ZNRF2: variants seen among roughly 807,000 people sequenced by gnomAD.
The protein encoded by ZNRF2 is zinc and ring finger 2.
In ZNRF2, 16 loss-of-function variants were observed where a neutral mutation model predicts 20.4. The ratio of observed to expected loss-of-function variants is 0.79; its 90% CI spans 0.53 to 1.19. ZNRF2 has a LOEUF of 1.19. Ranked by LOEUF, ZNRF2 falls within the 50% of genes most tolerant of loss-of-function variation. The pLI is 0.00. For missense variants in ZNRF2, 363 were observed against 332.4 expected (o/e 1.09, Z -0.72); for synonymous variants, 178 against 144.9 (o/e 1.23, Z -1.64).
intron 1 of ZNRF2, among the ~76,000 whole-genome samples, chr7:30,322,088 G>A (rs184048516): frequency 1.3e-4 from 19 of 151,814 alleles, no homozygotes; most frequent in Middle Eastern, 3.4e-3. Context: ...ATTAGGCCAT[G>A]CGTTGGACAA....
intron 3 of ZNRF2, among the ~76,000 whole-genome samples, chr7:30,357,982 A>G (rs550070524): frequency 9.5e-4 from 145 of 152,286 alleles, no homozygotes; most frequent in Non-Finnish European, 1.7e-3. Flanking sequence ...ATCTAACAAT[A>G]TATATCTAAA....
intron 1 of ZNRF2, among the ~76,000 whole-genome samples, chr7:30,303,271 A>G (rs1232782284): frequency 6.6e-6 from 1 of 151,968 alleles, no homozygotes; most frequent in Non-Finnish European, 1.5e-5. Flanking sequence ...CTCAAAAAAA[A>G]AAAAAAGAAA....
intron 3 of ZNRF2, among the ~76,000 whole-genome samples, chr7:30,360,873 A>G (rs1178500629): frequency 6.6e-6 from 1 of 152,208 alleles, no homozygotes; most frequent in Non-Finnish European, 1.5e-5. Flanking sequence ...ATATAGTTAT[A>G]TAGAGTAAGA....
At chr7:30,330,875 C>G (rs73686002) in intron 2 of ZNRF2, among the ~76,000 whole-genome samples, 1,691 of 152,080 alleles carry the variant, frequency 0.011, 27 homozygotes, top group African/African-American at 0.038. Flanking sequence ...TGGCAGGTTT[C>G]TGTTCTCTGA....
chr7:30,285,536 G>T lies in ZNRF2; in HGVS notation c.179G>T (p.Ser60Ile). The T allele has an allele frequency of 3.1e-6, 3 of 982,712 alleles. No individual in the cohort carries two copies. The highest frequency in any genetic ancestry group is 3.6e-6 in the Non-Finnish European group (3 of 830,538). 60.9% of individuals were successfully genotyped at this position (982,712 alleles called of 1,614,324 possible). A position where few individuals can be genotyped will look rare whatever the true frequency, so the allele number is the denominator to read the frequency against. Residue 60 changes from serine (S) to isoleucine (I), a missense_variant, in exon 1 of 5, where the codon AGC becomes ATC. Ser to Ile is a moderately radical substitution (Grantham distance 142). Coordinates refer to ENST00000323037, the MANE Select transcript of ZNRF2 (RefSeq NM_147128.4). ...PAQVPSAHQP[S>I]ASGGAAAAAA... ...CAGGTGCCCAGCGCGCACCAGCCCA[G>T]CGCCTCCGGCGGCGCCGCGGCGGCC...
intron 2 of ZNRF2, among the ~76,000 whole-genome samples, chr7:30,332,442 G>A (rs1799648240): frequency 6.6e-6 from 1 of 152,106 alleles, no homozygotes; most frequent in African/African-American, 2.4e-5. Flanking sequence ...TGTAATGCTG[G>A]GATTTGGGCT....
intron 1 of ZNRF2, among the ~76,000 whole-genome samples, chr7:30,300,745 C>T (rs1179158229): frequency 6.6e-6 from 1 of 152,048 alleles, no homozygotes; most frequent in East Asian, 1.9e-4. Flanking sequence ...ATTTCACTGT[C>T]CAAGGAATAC....
chr7:30,362,782 G>A (rs1305481487), intron 4 of ZNRF2, among the ~76,000 whole-genome samples: 3 of 152,032 alleles, frequency 2.0e-5, no homozygotes, highest in Admixed American at 6.6e-5. Context: ...AGGCTTGGTG[G>A]TGCACACCTG....
chr7:30,365,402 A>G (rs187379664), intron 4 of ZNRF2, among the ~76,000 whole-genome samples: 1 of 152,212 alleles, frequency 6.6e-6, no homozygotes, highest in Admixed American at 6.5e-5. Flanking sequence ...AAACTAGCCT[A>G]CTACATGGGC....
intron 1 of ZNRF2, among the ~76,000 whole-genome samples, chr7:30,300,351 G>C (rs1217169786): frequency 6.6e-6 from 1 of 151,632 alleles, no homozygotes; most frequent in East Asian, 1.9e-4. Context: ...GTTTCACCAT[G>C]TTGGCCAGGA....
At chr7:30,320,548 TA>T (rs1799453069) in intron 1 of ZNRF2, among the ~76,000 whole-genome samples, 1 of 152,186 alleles carries the variant, frequency 6.6e-6, no homozygotes. Context: ...TGAATTTCAA[TA>T]TTTTTCAGGG....
chr7:30,338,431 C>A (rs547099144), intron 2 of ZNRF2, among the ~76,000 whole-genome samples: 5 of 143,428 alleles, frequency 3.5e-5, no homozygotes. Flanking sequence ...TAGCCCCCCC[C>A]CACCCCCCAA....
intron 1 of ZNRF2, among the ~76,000 whole-genome samples, chr7:30,306,881 A>G (rs956539488): frequency 2.0e-5 from 3 of 152,138 alleles, no homozygotes; most frequent in Non-Finnish European, 2.9e-5. Flanking sequence ...CAATACTACT[A>G]GAAAGTTGGC....
intron 3 of ZNRF2, among the ~76,000 whole-genome samples, chr7:30,357,905 A>G (rs1013975477): frequency 6.6e-6 from 1 of 152,184 alleles, no homozygotes; most frequent in African/African-American, 2.4e-5. Context: ...GAAAATTAGA[A>G]AACAGTCTCA....
chr7:30,330,658 CTGCCT>C (rs1799623868), intron 2 of ZNRF2, among the ~76,000 whole-genome samples: 1 of 152,028 alleles, frequency 6.6e-6, no homozygotes, highest in Non-Finnish European at 1.5e-5. Context: ...AGCCTATCTT[CTGCCT>C]TATATACTAC....
intron 2 of ZNRF2, among the ~76,000 whole-genome samples, chr7:30,344,919 A>G (rs2127953280): frequency 6.6e-6 from 1 of 152,310 alleles, no homozygotes; most frequent in South Asian, 2.1e-4. Flanking sequence ...TGGTCTTACA[A>G]GTATAATAAT....
rs1798746441 is a variant in ZNRF2, at chr7:30,285,039, A to C, written c.-319A>C. ...GCCCGTCGTGGCGCACCAGAACCGA[A>C]ACCAGCGGCAGCCGCACGGCCACTT... On this transcript the variant is annotated 5_prime_UTR_variant, in exon 1 of 5. Coordinates refer to ENST00000323037, the MANE Select transcript of ZNRF2 (RefSeq NM_147128.4). 2.5e-6 allele frequency: 1 copy of C among 406,146 alleles called. No individual in the cohort carries two copies. Among genetic ancestry groups the C allele is most frequent in the Non-Finnish European group, 4.9e-6 (1 of 205,872 alleles). The allele number at this position is 406,146 out of a possible 1,614,324, so 25.2% of individuals were successfully genotyped here. A position where few individuals can be genotyped will look rare whatever the true frequency, so the allele number is the denominator to read the frequency against.
chr7:30,362,288 AT>A, intron 3 of ZNRF2, 88 bp from the exon 4 acceptor site: 1 of 829,666 alleles, frequency 1.2e-6, no homozygotes, highest in Non-Finnish European at 1.8e-6. Context: ...TGTAAAAAAT[AT>A]ATTAAAGTCA....
At chr7:30,293,992 ATTTATT>A (rs1402620823) in intron 1 of ZNRF2, among the ~76,000 whole-genome samples, 1 of 150,032 alleles carries the variant, frequency 6.7e-6, no homozygotes, top group Non-Finnish European at 1.5e-5. Flanking sequence ...ATAATGGGTT[ATTTATT>A]TTTATTTTTA....
Sources: allele counts gnomAD v4.1 joint callset (sites outside exome capture counted in the v4.1 genomes callset), GRCh38; gene constraint gnomAD v4.1.1; transcripts MANE v1.5; gene names NCBI Gene and HGNC (gene_info 2026-07-23, HGNC 2026-07-21).